The following GRM3 variants were observed in gnomAD, a reference collection of about 807,000 sequenced individuals.
The protein encoded by GRM3 is glutamate metabotropic receptor 3, also known as metabotropic glutamate receptor 3.
Under a neutral mutation model 70.5 loss-of-function variants are expected in GRM3, and 26 were observed. The ratio of observed to expected loss-of-function variants is 0.37; its 90% CI spans 0.27 to 0.51. GRM3 has a LOEUF of 0.51. Among genes scored for constraint, GRM3 ranks in the 20% least tolerant of loss-of-function variants. The pLI, the probability that GRM3 is intolerant of heterozygous loss-of-function variation, is 0.93. For missense variants in GRM3, 859 were observed against 1,123.8 expected (o/e 0.76, Z 3.37); for synonymous variants, 443 against 434.9 (o/e 1.02, Z -0.23).
chr7:86,862,730 C>T (rs116649611), intron 5 of GRM3, among the ~76,000 whole-genome samples: 3,830 of 152,164 alleles, frequency 0.025, 163 homozygotes, highest in African/African-American at 0.086. Flanking sequence ...CTGTAGATTC[C>T]CTAGTGGTGG....
intron 1 of GRM3, among the ~76,000 whole-genome samples, chr7:86,646,010 G>GGT (rs1793459860): frequency 1.1e-5 from 1 of 92,460 alleles, no homozygotes. Context: ...GGGGGGTGGG[G>GGT]GGGGGTGGGA....
At chr7:86,698,559 T>G (rs1794882334) in intron 1 of GRM3, among the ~76,000 whole-genome samples, 1 of 142,704 alleles carries the variant, frequency 7.0e-6, no homozygotes, top group African/African-American at 2.8e-5. Context: ...TATTATTATA[T>G]ATATAATTAT....
intron 3 of GRM3, among the ~76,000 whole-genome samples, chr7:86,818,790 T>C (rs2116678248): frequency 6.6e-6 from 1 of 152,224 alleles, no homozygotes; most frequent in East Asian, 1.9e-4. Flanking sequence ...ATTCCCCAAA[T>C]TCCCAAAATT....
intron 3 of GRM3, among the ~76,000 whole-genome samples, chr7:86,794,039 G>A (rs137986149): frequency 6.6e-6 from 1 of 151,874 alleles, no homozygotes; most frequent in African/African-American, 2.4e-5. Context: ...CACTTGCAAA[G>A]GTATCTGGAG....
intron 1 of GRM3, among the ~76,000 whole-genome samples, chr7:86,656,480 G>C (rs978158502): frequency 6.6e-6 from 1 of 151,908 alleles, no homozygotes; most frequent in Non-Finnish European, 1.5e-5. Flanking sequence ...TGTTGGCCAG[G>C]CTGGTCTCAA....
chr7:86,664,413 G>T (rs147940130), intron 1 of GRM3, among the ~76,000 whole-genome samples: 1 of 151,924 alleles, frequency 6.6e-6, no homozygotes, highest in African/African-American at 2.4e-5. Context: ...TAATGAATCA[G>T]TTGAGCACTC....
In GRM3 at chr7:86,697,870, G is replaced by A. The variant is rs372071336; in HGVS notation, c.-141+52998G>A. ...GTAGGAAATGTTTGAAGATGGAAAA[G>A]CAAGGAACTGACGTGCTGACTTGAA... On this transcript the variant is annotated intron_variant, in intron 1 of 5. Coordinates refer to ENST00000361669, the MANE Select transcript of GRM3 (RefSeq NM_000840.3). Among the ~76,000 whole-genome samples, 6 of 152,226 alleles carry A rather than the reference G, an allele frequency of 3.9e-5. No individual in the cohort carries two copies. In the South Asian group the frequency reaches 8.3e-4, roughly 21 times the overall value.
chr7:86,806,211 A>G (rs1797789109), intron 3 of GRM3, among the ~76,000 whole-genome samples: 1 of 152,156 alleles, frequency 6.6e-6, no homozygotes. Context: ...ATTAACATAC[A>G]TGTGCATGTG....
chr7:86,796,414 T>C (rs1278812632), intron 3 of GRM3, among the ~76,000 whole-genome samples: 1 of 152,166 alleles, frequency 6.6e-6, no homozygotes, highest in Non-Finnish European at 1.5e-5. Context: ...TCTGTTCCAT[T>C]GGTCCATGTG....
At chr7:86,693,263 A>G (rs564770772) in intron 1 of GRM3, among the ~76,000 whole-genome samples, 20 of 152,304 alleles carry the variant, frequency 1.3e-4, no homozygotes, top group African/African-American at 4.8e-4. Flanking sequence ...TAAGGAGACC[A>G]TTTCTTCAGG....
intron 1 of GRM3, among the ~76,000 whole-genome samples, chr7:86,713,204 T>C (rs953447043): frequency 3.3e-5 from 5 of 152,100 alleles, no homozygotes; most frequent in Admixed American, 2.0e-4. Context: ...CTCATTTTGG[T>C]TTCAATTTGC....
At chr7:86,831,149 C>A (rs1798343346) in intron 3 of GRM3, among the ~76,000 whole-genome samples, 1 of 152,126 alleles carries the variant, frequency 6.6e-6, no homozygotes, top group South Asian at 2.1e-4. Context: ...CCCTAATACA[C>A]TAATACAATG....
At chr7:86,671,965 T>A (rs1359857953) in intron 1 of GRM3, among the ~76,000 whole-genome samples, 1 of 152,190 alleles carries the variant, frequency 6.6e-6, no homozygotes, top group African/African-American at 2.4e-5. Flanking sequence ...TATTCTTTAT[T>A]AAACAGGTTC....
At chr7:86,655,848 GT>G (rs1793725443) in intron 1 of GRM3, among the ~76,000 whole-genome samples, 9 of 134,842 alleles carry the variant, frequency 6.7e-5, no homozygotes, top group African/African-American at 2.7e-4. Flanking sequence ...GTGTGTGTGT[GT>G]GTGGGTGGGT....
intron 3 of GRM3, among the ~76,000 whole-genome samples, chr7:86,830,770 C>A (rs895107925): frequency 1.3e-5 from 2 of 152,102 alleles, no homozygotes; most frequent in African/African-American, 4.8e-5. Flanking sequence ...GAAGTCATAA[C>A]CCTAGTATCT....
intron 1 of GRM3, among the ~76,000 whole-genome samples, chr7:86,720,056 A>G (rs950794610): frequency 6.6e-6 from 1 of 152,042 alleles, no homozygotes. Flanking sequence ...ATTGGGATAG[A>G]ACAACCATGG....
At chr7:86,862,928 G>C (rs1418207918) in intron 5 of GRM3, among the ~76,000 whole-genome samples, 1 of 152,170 alleles carries the variant, frequency 6.6e-6, no homozygotes, top group Admixed American at 6.5e-5. Context: ...CATGAAGCCA[G>C]TTTATCTGCA....
At chr7:86,853,537 T>C (rs779047709) in intron 5 of GRM3, among the ~76,000 whole-genome samples, 1 of 152,206 alleles carries the variant, frequency 6.6e-6, no homozygotes, top group Non-Finnish European at 1.5e-5. Context: ...AGATAAAGCA[T>C]ATGTTTTTCT....
At chr7:86,722,144 C>G (rs1451927778) in intron 1 of GRM3, among the ~76,000 whole-genome samples, 1 of 152,064 alleles carries the variant, frequency 6.6e-6, no homozygotes, top group Non-Finnish European at 1.5e-5. Context: ...TTCCCAGACC[C>G]TTCCCCTTCC....
Sources: allele counts gnomAD v4.1 joint callset (sites outside exome capture counted in the v4.1 genomes callset), GRCh38; gene constraint gnomAD v4.1.1; transcripts MANE v1.5; gene names NCBI Gene and HGNC (gene_info 2026-07-23, HGNC 2026-07-21).